Variants in ADAMTS18 observed in about 807,000 individuals in gnomAD.
ADAMTS18 encodes ADAM metallopeptidase with thrombospondin type 1 motif 18, also known as A disintegrin and metalloproteinase with thrombospondin motifs 18.
In ADAMTS18, 157 loss-of-function variants were observed where a neutral mutation model predicts 165.9. The ratio of observed to expected loss-of-function variants is 0.95; its 90% CI spans 0.83 to 1.08. The LOEUF is 1.08. Among genes scored for constraint, ADAMTS18 ranks in the 50% least tolerant of loss-of-function variants. The pLI is 0.00. For missense variants in ADAMTS18, 2,040 were observed against 1,534.0 expected, an observed-to-expected ratio of 1.33 and a Z score of -5.51; for synonymous variants, 782 against 578.2, an observed-to-expected ratio of 1.35 and a Z score of -5.06.
chr16:77,301,383 T>C (rs1199781845), intron 16 of ADAMTS18, among the ~76,000 whole-genome samples: 1 of 152,138 alleles, frequency 6.6e-6, no homozygotes, highest in Non-Finnish European at 1.5e-5. Flanking sequence ...CACAATGCAA[T>C]GTATCACCTT....
intron 14 of ADAMTS18, among the ~76,000 whole-genome samples, chr16:77,321,882 G>A (rs971168955): frequency 4.0e-5 from 6 of 151,890 alleles, no homozygotes; most frequent in South Asian, 4.2e-4. Context: ...TCGGCCAGGC[G>A]TGGTGGCTCA....
chr16:77,367,504 G>A lies in ADAMTS18; in HGVS notation c.715C>T (p.Arg239Ter). Residue 239 changes from arginine (R) to a stop codon, truncating the protein, a stop_gained, in exon 4 of 23, where the codon CGA becomes TGA. Coordinates refer to ENST00000282849, the MANE Select transcript of ADAMTS18 (RefSeq NM_199355.4). LOFTEE classifies it high-confidence loss of function. ...CTTCGATGGTGATACTCTGTCTCTC[G>A]ACTCTGAGATGCATGGGGAATGTGA... Reference protein sequence around the residue: ...PSHIPHASQSRETEYHHRRLQ... With the variant: ...PSHIPHASQS 6.2e-7 allele frequency: 1 copy of A among 1,614,174 alleles called. No homozygotes were observed. Among genetic ancestry groups the A allele is most frequent in the Non-Finnish European group, 8.5e-7 (1 of 1,180,034 alleles).
intron 3 of ADAMTS18, among the ~76,000 whole-genome samples, chr16:77,416,230 G>A (rs1001507095): frequency 1.3e-5 from 2 of 152,166 alleles, no homozygotes; most frequent in African/African-American, 4.8e-5. Flanking sequence ...ACTGAGGTAG[G>A]ACATCTGGGG....
intron 16 of ADAMTS18, among the ~76,000 whole-genome samples, chr16:77,302,185 T>C (rs1265045038): frequency 6.6e-6 from 1 of 152,202 alleles, no homozygotes; most frequent in Non-Finnish European, 1.5e-5. Flanking sequence ...TGTTTTCATC[T>C]GATATTAAGT....
rs1464238070 is a variant in ADAMTS18 at position 77,335,812 on chromosome 16, A to G, written c.1803T>C (p.Cys601=). The G allele has an allele frequency of 5.6e-6, 9 of 1,614,228 alleles. No homozygotes were observed. Among genetic ancestry groups the G allele is most frequent in the Non-Finnish European group, 7.6e-6 (9 of 1,180,036 alleles). ...TGACTCCTCCACCACATGTCCGGGA[A>G]CATTCTGACCACTTCGACCAGGCGG... ...QWSAWSKWSE[C]SRTCGGGVKF... is the part of the protein sequence containing the mutation. The change falls in exon 12 of 23, where the codon TGT becomes TGC. Residue 601 remains cysteine (C), a synonymous_variant. Transcript: ENST00000282849.
At chr16:77,383,312 C>T (rs142081546) in intron 3 of ADAMTS18, among the ~76,000 whole-genome samples, 1 of 152,196 alleles carries the variant, frequency 6.6e-6, no homozygotes. Context: ...GATTTCAAGA[C>T]ACTTTGCAGC....
chr16:77,350,878 C>T (rs1052995358), intron 10 of ADAMTS18, among the ~76,000 whole-genome samples: 1 of 151,930 alleles, frequency 6.6e-6, no homozygotes, highest in African/African-American at 2.4e-5. Context: ...CGTTGTTGTT[C>T]TTCTAATCAC....
At position 77,431,493 on chromosome 16, in the gene ADAMTS18, G is replaced by A. The variant is rs2057739852; in HGVS notation, c.297C>T (p.Tyr99=). The change falls in exon 3 of 23, where the codon TAC becomes TAT. Residue 99 remains tyrosine (Y), a synonymous_variant. Coordinates refer to ENST00000282849, the MANE Select transcript of ADAMTS18 (RefSeq NM_199355.4). ...SAQNARSSLH[Y]RFSAFGQELH... ...GTTCCTGTCCAAATGCTGAAAATCGGTAGTGCAGGGAGCTTCTGGCATTCT... is the reference window on the plus strand; with the variant it reads ...GTTCCTGTCCAAATGCTGAAAATCGATAGTGCAGGGAGCTTCTGGCATTCT... 6.2e-7 allele frequency: 1 copy of A among 1,614,070 alleles called. No individual in the cohort carries two copies. The highest frequency in any genetic ancestry group is 1.3e-5 in the African/African-American group (1 of 74,918).
At chr16:77,403,850 A>C (rs1227124859) in intron 3 of ADAMTS18, among the ~76,000 whole-genome samples, 3 of 152,228 alleles carry the variant, frequency 2.0e-5, no homozygotes, top group Non-Finnish European at 4.4e-5. Context: ...AGGAAGGGAC[A>C]CGATGCCATG....
intron 18 of ADAMTS18, 102 bp from the exon 19 acceptor site, chr16:77,295,229 A>G: frequency 2.5e-6 from 3 of 1,194,696 alleles, no homozygotes; most frequent in Non-Finnish European, 3.7e-6. Flanking sequence ...GCCATGAATC[A>G]ATTTCAGAAC....
chr16:77,300,953 C>T (rs116396544), intron 16 of ADAMTS18, among the ~76,000 whole-genome samples: 1 of 152,286 alleles, frequency 6.6e-6, no homozygotes, highest in African/African-American at 2.4e-5. Flanking sequence ...TTGCTATCAT[C>T]AACTTCAGAA....
chr16:77,373,809 A>G (rs566103504), intron 3 of ADAMTS18, among the ~76,000 whole-genome samples: 3 of 152,302 alleles, frequency 2.0e-5, no homozygotes, highest in South Asian at 4.1e-4. Context: ...CAATAAGGAA[A>G]CAAAATGCAA....
chr16:77,341,367 A>G (rs543103504), intron 11 of ADAMTS18, among the ~76,000 whole-genome samples: 3 of 152,138 alleles, frequency 2.0e-5, no homozygotes, highest in Non-Finnish European at 2.9e-5. Context: ...GACTAACAAG[A>G]CATCTGATCC....
chr16:77,376,913 C>G (rs2056962519), intron 3 of ADAMTS18, among the ~76,000 whole-genome samples: 2 of 147,096 alleles, frequency 1.4e-5, no homozygotes, highest in Admixed American at 7.0e-5. Context: ...CTCCCAGGTT[C>G]AAGCGATTCT....
chr16:77,341,855 A>G, intron 10 of ADAMTS18, 56 bp from the exon 11 acceptor site: 1 of 1,228,624 alleles, frequency 8.1e-7, no homozygotes, highest in South Asian at 1.3e-5. Context: ...AAAAACAAAA[A>G]TATTCAAAGA....
At chr16:77,346,932 C>G (rs2056485771) in intron 10 of ADAMTS18, among the ~76,000 whole-genome samples, 1 of 152,204 alleles carries the variant, frequency 6.6e-6, no homozygotes, top group Non-Finnish European at 1.5e-5. Context: ...ATATTTCCAT[C>G]ACTCCAAAAA....
chr16:77,411,877 C>T (rs988818686), intron 3 of ADAMTS18, among the ~76,000 whole-genome samples: 3 of 151,404 alleles, frequency 2.0e-5, no homozygotes, highest in South Asian at 2.1e-4. Flanking sequence ...TTAATAGAGA[C>T]GGGGTTTCAC....
intron 3 of ADAMTS18, among the ~76,000 whole-genome samples, chr16:77,375,174 A>C (rs2056931013): frequency 6.6e-6 from 1 of 152,084 alleles, no homozygotes; most frequent in Non-Finnish European, 1.5e-5. Flanking sequence ...ATGGGAATGA[A>C]ATATTATTCC....
In ADAMTS18 at chr16:77,326,003, C is replaced by T. The variant is rs780314478; in HGVS notation, c.1895G>A (p.Ser632Asn). ...AATATTGCACAGCTGATAAATACGGCTAGAACCTGGACAGAATAAGCCACC... is the reference window on the plus strand; with the variant it reads ...AATATTGCACAGCTGATAAATACGGTTAGAACCTGGACAGAATAAGCCACC... ...QYGGLFCPGSSRIYQLCNINP... is the reference protein window; with the variant it reads ...QYGGLFCPGSNRIYQLCNINP... Residue 632 changes from serine (S) to asparagine (N), a missense_variant, in exon 13 of 23, where the codon AGC becomes AAC. Ser to Asn is a conservative substitution (Grantham distance 46, BLOSUM62 1). Coordinates refer to ENST00000282849, the MANE Select transcript of ADAMTS18 (RefSeq NM_199355.4). The T allele has an allele frequency of 8.7e-6, 14 of 1,614,034 alleles. No homozygotes were observed. The South Asian group carries it at 1.5e-4, about 18-fold the overall frequency.
Sources: gnomAD v4.1 joint callset for allele counts (sites outside exome capture counted in the v4.1 genomes callset) on GRCh38, gnomAD v4.1.1 for gene constraint, MANE v1.5 for transcripts, NCBI Gene and HGNC (gene_info 2026-07-23, HGNC 2026-07-21) for gene names.